Variants in MAGI2 observed in about 807,000 individuals in gnomAD.
MAGI2 encodes membrane-associated guanylate kinase, WW and PDZ domain-containing protein 2.
In MAGI2, 35 loss-of-function variants were observed where a neutral mutation model predicts 133.3. That is an observed-to-expected ratio of 0.26 (90% CI 0.20 to 0.35). The LOEUF (loss-of-function observed/expected upper bound fraction) is 0.35, where lower values mean the gene tolerates loss of function less well. Ranked by LOEUF, MAGI2 falls within the 10% of genes least tolerant of loss-of-function variation. The pLI is 1.00. For missense variants in MAGI2, 1,636 were observed against 1,863.4 expected (o/e 0.88, Z 2.25); for synonymous variants, 729 against 710.6 (o/e 1.03, Z -0.41).
intron 2 of MAGI2, among the ~76,000 whole-genome samples, chr7:78,703,637 A>T (rs968047500): frequency 1.3e-5 from 2 of 152,084 alleles, no homozygotes; most frequent in East Asian, 3.9e-4. Context: ...CAATTGCTTC[A>T]AATATGAGGA....
intron 6 of MAGI2, among the ~76,000 whole-genome samples, chr7:78,488,411 T>C (rs578193592): frequency 6.6e-6 from 1 of 152,222 alleles, no homozygotes; most frequent in African/African-American, 2.4e-5. Flanking sequence ...AGAAGTTCCA[T>C]ATGTCACAGA....
chr7:78,212,681 T>C (rs2150808109), intron 10 of MAGI2, among the ~76,000 whole-genome samples: 1 of 152,306 alleles, frequency 6.6e-6, no homozygotes, highest in Middle Eastern at 3.4e-3. Flanking sequence ...AGCAAATCCA[T>C]ATAGCTGGCA....
At chr7:78,718,836 G>A (rs559996566) in intron 2 of MAGI2, among the ~76,000 whole-genome samples, 1 of 152,236 alleles carries the variant, frequency 6.6e-6, no homozygotes, top group Admixed American at 6.5e-5. Context: ...GTGCCCAAAA[G>A]GTTAGGGACC....
At chr7:78,431,946 T>C (rs1799836013) in intron 6 of MAGI2, among the ~76,000 whole-genome samples, 1 of 152,044 alleles carries the variant, frequency 6.6e-6, no homozygotes, top group South Asian at 2.1e-4. Flanking sequence ...TAAGTGAACT[T>C]TCATATTTCC....
chr7:79,086,569 T>C (rs1816513122), intron 1 of MAGI2, among the ~76,000 whole-genome samples: 1 of 151,898 alleles, frequency 6.6e-6, no homozygotes, highest in African/African-American at 2.4e-5. Context: ...GACATTTTTA[T>C]TTATTTATTT....
At chr7:78,868,719 T>C (rs1794777869) in intron 2 of MAGI2, among the ~76,000 whole-genome samples, 1 of 151,586 alleles carries the variant, frequency 6.6e-6, no homozygotes, top group Admixed American at 6.6e-5. Flanking sequence ...GATTTCACAT[T>C]TTCCTGAACA....
rs1267234249 is a variant in MAGI2 at position 79,125,800 on chromosome 7, G to C, written c.302-118594C>G. The C allele has an allele frequency of 5.8e-6, 3 of 512,842 alleles. No individual in the cohort carries two copies. The Admixed American group carries it at 5.9e-5, about 10-fold the overall frequency. The allele number at this position is 512,842 out of a possible 1,614,324, so 31.8% of individuals were successfully genotyped here. On this transcript the variant is annotated intron_variant, in intron 1 of 21. Coordinates refer to ENST00000354212, the MANE Select transcript of MAGI2 (RefSeq NM_012301.4). ...GGTTCCAGTGGCAGCAGTAGCTATG[G>C]CAGTGGCAGAAGGTTTTAATTCCTG...
intron 2 of MAGI2, chr7:78,947,066 T>C (rs1801475014): frequency 1.3e-5 from 2 of 152,168 alleles, no homozygotes; most frequent in African/African-American, 4.8e-5. Context: ...ATTATGTTTA[T>C]TACTTATGAA....
intron 2 of MAGI2, among the ~76,000 whole-genome samples, chr7:78,733,998 T>C (rs1821610705): frequency 6.6e-6 from 1 of 152,188 alleles, no homozygotes; most frequent in Non-Finnish European, 1.5e-5. Flanking sequence ...TCTCAGTAAA[T>C]GTAAAATGCA....
At chr7:79,367,994 T>C (rs1842831407) in intron 1 of MAGI2, among the ~76,000 whole-genome samples, 1 of 151,592 alleles carries the variant, frequency 6.6e-6, no homozygotes. Flanking sequence ...CAAGCTTGTC[T>C]TCCACAGGAT....
intron 2 of MAGI2, among the ~76,000 whole-genome samples, chr7:78,667,014 T>G (rs1813672188): frequency 6.6e-6 from 1 of 151,942 alleles, no homozygotes; most frequent in Non-Finnish European, 1.5e-5. Context: ...ACATAGAGAG[T>G]TGATCTTTTT....
chr7:78,470,995 C>G (rs1791143384), intron 6 of MAGI2, among the ~76,000 whole-genome samples: 1 of 152,152 alleles, frequency 6.6e-6, no homozygotes, highest in Non-Finnish European at 1.5e-5. Context: ...AATGACTTCA[C>G]AAGTCCACAC....
chr7:78,029,899 T>G (rs1366015221), intron 21 of MAGI2, among the ~76,000 whole-genome samples: 3 of 152,224 alleles, frequency 2.0e-5, no homozygotes, highest in Non-Finnish European at 4.4e-5. Context: ...GTTGGAAGCA[T>G]CTGTCACACA....
chr7:79,289,704 G>A (rs190432915), intron 1 of MAGI2, among the ~76,000 whole-genome samples: 11 of 152,174 alleles, frequency 7.2e-5, no homozygotes, highest in Admixed American at 2.6e-4. Context: ...TCCACTTCTC[G>A]AGATAATCTC....
chr7:79,411,947 TGAAAG>T (rs977797699), intron 1 of MAGI2: 6 of 152,134 alleles, frequency 3.9e-5, no homozygotes, highest in Non-Finnish European at 8.8e-5. Flanking sequence ...ATTTTTGACA[TGAAAG>T]GAAAAATTGA....
intron 20 of MAGI2, among the ~76,000 whole-genome samples, chr7:78,086,969 CT>C (rs1268266467): frequency 2.0e-5 from 3 of 152,066 alleles, no homozygotes; most frequent in Non-Finnish European, 2.9e-5. Context: ...GGCATGTTTC[CT>C]TTTTGGTGCC....
intron 2 of MAGI2, among the ~76,000 whole-genome samples, chr7:78,731,932 T>C (rs905722492): frequency 2.6e-5 from 4 of 152,112 alleles, no homozygotes; most frequent in African/African-American, 9.7e-5. Flanking sequence ...CTTTAGAAGC[T>C]AATCCACATA....
chr7:78,250,430 C>A (rs73700706), intron 10 of MAGI2, among the ~76,000 whole-genome samples: 4,616 of 151,954 alleles, frequency 0.03, 236 homozygotes, highest in African/African-American at 0.11. Flanking sequence ...TAAGTGATTT[C>A]GTTAGAAAGA....
At chr7:78,954,186 A>T (rs959950896) in intron 2 of MAGI2, among the ~76,000 whole-genome samples, 4 of 152,122 alleles carry the variant, frequency 2.6e-5, no homozygotes, top group African/African-American at 9.7e-5. Flanking sequence ...TCAAGCTTAC[A>T]GACACTGTAA....
Sources: gnomAD v4.1 joint callset for allele counts (sites outside exome capture counted in the v4.1 genomes callset) on GRCh38, gnomAD v4.1.1 for gene constraint, MANE v1.5 for transcripts, NCBI Gene and HGNC (gene_info 2026-07-23, HGNC 2026-07-21) for gene names.